UGT1A9: variants seen among roughly 807,000 people sequenced by gnomAD.
UGT1A9 encodes the protein UDP glucuronosyltransferase family 1 member A9.
UGT1A9 carries 35 observed loss-of-function variants against 45.0 expected under a neutral mutation model. The ratio of observed to expected loss-of-function variants is 0.78; its 90% CI spans 0.59 to 1.03. The LOEUF (loss-of-function observed/expected upper bound fraction) is 1.03. UGT1A9 is among the 50% of genes least tolerant of loss of function. The pLI, the probability that UGT1A9 is intolerant of heterozygous loss-of-function variation, is 0.00. For synonymous variants in UGT1A9, 278 were observed against 250.6 expected (o/e 1.11, Z -1.03); for missense variants, 687 against 666.6 (o/e 1.03, Z -0.34).
At chr2:233,718,660 T>C (rs2076672859) in intron 1 of UGT1A9, 2 of 1,533,748 alleles carry the variant, frequency 1.3e-6, no homozygotes, top group Admixed American at 3.9e-5. Flanking sequence ...GAAAGGCAGT[T>C]ATAGATTAAT....
chr2:233,713,404 T>A, intron 1 of UGT1A9: 2 of 1,614,162 alleles, frequency 1.2e-6, no homozygotes, highest in Non-Finnish European at 1.7e-6. Context: ...GAGGCCCTGA[T>A]CAGGCACCTG....
chr2:233,730,285 A>G (rs2078010398), intron 1 of UGT1A9, among the ~76,000 whole-genome samples: 1 of 152,170 alleles, frequency 6.6e-6, no homozygotes, highest in Admixed American at 6.5e-5. Context: ...CACCATCTTC[A>G]TGGTTGTGCA....
At chr2:233,721,820 A>T in intron 1 of UGT1A9, 1 of 516,484 alleles carries the variant, frequency 1.9e-6, no homozygotes, top group Admixed American at 1.9e-5. Context: ...CCAGCACCCT[A>T]TTTGGGCCAC....
intron 1 of UGT1A9, among the ~76,000 whole-genome samples, chr2:233,704,504 T>C (rs1158641825): frequency 1.3e-5 from 2 of 152,204 alleles, no homozygotes; most frequent in African/African-American, 2.4e-5. Context: ...TTATACGTGG[T>C]ACATCTATAT....
chr2:233,772,713 T>G lies in UGT1A9; in HGVS notation c.*154T>G. ...GAGTGCTTTAAAAAATTCTCTTAAA[T>G]AAAAATAATAGACTCGCTAGTCAGT... On this transcript the variant is annotated 3_prime_UTR_variant, in exon 5 of 5. Transcript: ENST00000354728. The G allele has an allele frequency of 6.8e-7, 1 of 1,465,268 alleles. No individual in the cohort carries two copies. Among genetic ancestry groups the G allele is most frequent in the Non-Finnish European group, 9.0e-7 (1 of 1,113,920 alleles). 90.8% of individuals were successfully genotyped at this position (1,465,268 alleles called of 1,614,324 possible).
chr2:233,716,408 C>T (rs2076503557), intron 1 of UGT1A9, among the ~76,000 whole-genome samples: 2 of 152,112 alleles, frequency 1.3e-5, no homozygotes, highest in South Asian at 4.1e-4. Flanking sequence ...AAAGTGAAAC[C>T]CACATCTTAT....
chr2:233,716,299 G>A (rs2076496695), intron 1 of UGT1A9, among the ~76,000 whole-genome samples: 2 of 152,196 alleles, frequency 1.3e-5, no homozygotes, highest in South Asian at 4.1e-4. Context: ...CATCTATAAA[G>A]TCTCTTCCAC....
intron 1 of UGT1A9, among the ~76,000 whole-genome samples, chr2:233,674,492 A>G (rs2125505828): frequency 6.6e-6 from 1 of 152,234 alleles, no homozygotes; most frequent in South Asian, 2.1e-4. Flanking sequence ...CACTTCCTGA[A>G]CCCACACTGA....
intron 1 of UGT1A9, among the ~76,000 whole-genome samples, chr2:233,742,411 A>G (rs566737557): frequency 5.3e-5 from 8 of 152,078 alleles, no homozygotes; most frequent in Non-Finnish European, 8.8e-5. Flanking sequence ...TAGTTTAGGA[A>G]CACCTTAAGC....
intron 1 of UGT1A9, among the ~76,000 whole-genome samples, chr2:233,681,700 G>C (rs182095146): frequency 1.2e-4 from 18 of 152,208 alleles, no homozygotes; most frequent in African/African-American, 3.9e-4. Flanking sequence ...GGCATGATCT[G>C]TCCCCAAGGC....
rs149047303 is a variant in UGT1A9, at chr2:233,763,705, A to G, written c.856-3329A>G. Among the ~76,000 whole-genome samples, 745 of 152,324 alleles carry G rather than the reference A, an allele frequency of 4.9e-3. 10 individuals carry two copies. Among genetic ancestry groups the G allele is most frequent in the African/African-American group, 0.017 (698 of 41,584 alleles). ...AAGATAAAACTTTTATTGCACAAAG[A>G]AGTCCATAGAGAAAGCACAACCTGG... On this transcript the variant is annotated intron_variant, in intron 1 of 4. Coordinates refer to ENST00000354728, the MANE Select transcript of UGT1A9 (RefSeq NM_021027.3).
Position 233,731,690 on chromosome 2 carries a change from G to C in UGT1A9, c.856-35344G>C, listed in dbSNP as rs183220610. ...TTCTTAATCCAGTCTATCATTGATG[G>C]ACATTTGGATTGGTTCCAGGTCTTT... On this transcript the variant is annotated intron_variant, in intron 1 of 4. Coordinates refer to ENST00000354728, the MANE Select transcript of UGT1A9 (RefSeq NM_021027.3). 7.2e-5 allele frequency among the ~76,000 whole-genome samples: 11 copies of C among 152,322 alleles called. No individual in the cohort carries two copies. The East Asian group carries it at 2.1e-3, about 29-fold the overall frequency.
chr2:233,710,169 TTTA>T (rs1460838306), intron 1 of UGT1A9, among the ~76,000 whole-genome samples: 1 of 152,248 alleles, frequency 6.6e-6, no homozygotes, highest in Non-Finnish European at 1.5e-5. Context: ...TATGCATTTA[TTTA>T]TTGATGGACA....
chr2:233,700,873 TCC>T (rs1228589986), intron 1 of UGT1A9, among the ~76,000 whole-genome samples: 1 of 147,556 alleles, frequency 6.8e-6, no homozygotes, highest in Non-Finnish European at 1.5e-5. Flanking sequence ...CCCTCCCTCC[TCC>T]CCCCACCCCA....
chr2:233,672,003 C>T lies in UGT1A9; in HGVS notation c.69C>T (p.Ala23=), dbSNP rs138685396. ...CVCLLLTCGF[A]EAGKLLVVPM... The stretch of plus-strand genomic sequence containing the variant: ...GTCTGCTGCTGACCTGTGGCTTTGC[C>T]GAGGCAGGGAAGCTACTGGTAGTGC... Residue 23 remains alanine (A), a synonymous_variant, in exon 1 of 5, where the codon GCC becomes GCT. Transcript: ENST00000354728. 2.4e-5 allele frequency: 39 copies of T among 1,614,064 alleles called. 1 individual carries two copies. Among genetic ancestry groups the T allele is most frequent in the South Asian group, 1.6e-4 (15 of 91,070 alleles).
chr2:233,756,190 G>A (rs1012891343), intron 1 of UGT1A9: 15 of 152,208 alleles, frequency 9.9e-5, no homozygotes, highest in African/African-American at 3.4e-4. Flanking sequence ...CGCTAGTCTA[G>A]CAGAGTAGTC....
At chr2:233,711,329 A>G (rs1022297235) in intron 1 of UGT1A9, among the ~76,000 whole-genome samples, 2 of 152,214 alleles carry the variant, frequency 1.3e-5, no homozygotes, top group African/African-American at 4.8e-5. Context: ...ACAAAACACC[A>G]CTGCATGGAG....
rs548391374 is a variant in UGT1A9 at position 233,743,280 on chromosome 2, T to C, written c.856-23754T>C. The C allele has an allele frequency of 1.0e-5, 5 of 493,342 alleles. No homozygotes were observed. In the East Asian group the frequency reaches 3.5e-4, roughly 34 times the overall value. The allele number at this position is 493,342 out of a possible 1,614,324, so 30.6% of individuals were successfully genotyped here. The stretch of plus-strand genomic sequence containing the variant: ...CATCTTCCTCCACTTCCACCCTTTC[T>C]TGGCCATTCTCAATGATTCTCTTGG... On this transcript the variant is annotated intron_variant, in intron 1 of 4. Coordinates refer to ENST00000354728, the MANE Select transcript of UGT1A9 (RefSeq NM_021027.3).
intron 1 of UGT1A9, among the ~76,000 whole-genome samples, chr2:233,731,303 T>C (rs2078137906): frequency 6.6e-6 from 1 of 151,406 alleles, no homozygotes; most frequent in Non-Finnish European, 1.5e-5. Context: ...TTTTTTATTA[T>C]ACTTTAAGTT....
Sources: gnomAD v4.1 joint callset for allele counts (sites outside exome capture counted in the v4.1 genomes callset) on GRCh38, gnomAD v4.1.1 for gene constraint, MANE v1.5 for transcripts, NCBI Gene and HGNC (gene_info 2026-07-23, HGNC 2026-07-21) for gene names.